HIVEP3: variants seen among roughly 807,000 people sequenced by gnomAD.
HIVEP3 encodes the protein HIVEP zinc finger 3.
HIVEP3 carries 49 observed loss-of-function variants against 152.8 expected under a neutral mutation model. That is an observed-to-expected ratio of 0.32 (90% CI 0.26 to 0.41). The LOEUF (loss-of-function observed/expected upper bound fraction) is 0.41, where lower values mean the gene tolerates loss of function less well. Ranked by LOEUF, HIVEP3 falls within the 10% of genes least tolerant of loss-of-function variation. The pLI is 1.00. For synonymous variants in HIVEP3, 1,269 were observed against 1,289.0 expected, an observed-to-expected ratio of 0.98 and a Z score of 0.33; for missense variants, 2,790 against 3,103.3, an observed-to-expected ratio of 0.90 and a Z score of 2.40.
intron 2 of HIVEP3, among the ~76,000 whole-genome samples, chr1:41,694,287 C>T (rs1646239979): frequency 6.6e-6 from 1 of 152,140 alleles, no homozygotes; most frequent in African/African-American, 2.4e-5. Context: ...TAATCTCTCC[C>T]CACTCAGCAC....
chr1:41,862,947 G>A (rs534928961), intron 1 of HIVEP3, among the ~76,000 whole-genome samples: 11 of 152,320 alleles, frequency 7.2e-5, no homozygotes, highest in Admixed American at 6.5e-4. Context: ...TATTCTGAAT[G>A]GCAGCGGGAG....
chr1:41,666,145 G>A (rs956776161), intron 2 of HIVEP3, among the ~76,000 whole-genome samples: 1 of 151,392 alleles, frequency 6.6e-6, no homozygotes, highest in Non-Finnish European at 1.5e-5. Flanking sequence ...GTGTGTGTAT[G>A]TGTGTGTGTG....
intron 1 of HIVEP3, among the ~76,000 whole-genome samples, chr1:41,863,716 A>C (rs983776791): frequency 3.9e-5 from 6 of 152,208 alleles, no homozygotes; most frequent in African/African-American, 1.4e-4. Context: ...ACTGTATGTA[A>C]ATTAGATCCT....
At chr1:41,725,135 C>A (rs1646733673) in intron 1 of HIVEP3, among the ~76,000 whole-genome samples, 1 of 152,294 alleles carries the variant, frequency 6.6e-6, no homozygotes, top group Middle Eastern at 3.4e-3. Context: ...AGACTCAACA[C>A]TTTTTACCAT....
chr1:41,731,043 C>G (rs1349969490), intron 1 of HIVEP3, among the ~76,000 whole-genome samples: 1 of 152,152 alleles, frequency 6.6e-6, no homozygotes, highest in Non-Finnish European at 1.5e-5. Flanking sequence ...GGCTCTGCAG[C>G]AAGTGCCTCT....
chr1:41,888,001 C>G (rs1450136247), intron 1 of HIVEP3, among the ~76,000 whole-genome samples: 1 of 151,830 alleles, frequency 6.6e-6, no homozygotes, highest in African/African-American at 2.4e-5. Context: ...TCCCATCACA[C>G]CCCCACCCCA....
intron 1 of HIVEP3, among the ~76,000 whole-genome samples, chr1:41,862,536 C>A (rs1243817734): frequency 6.6e-6 from 1 of 152,198 alleles, no homozygotes; most frequent in Non-Finnish European, 1.5e-5. Context: ...TCTGCCTCCA[C>A]CCCCAAGCCA....
intron 1 of HIVEP3, among the ~76,000 whole-genome samples, chr1:41,764,444 AG>A: frequency 6.6e-6 from 1 of 152,312 alleles, no homozygotes; most frequent in South Asian, 2.1e-4. Flanking sequence ...GGACAGGAGA[AG>A]CGAAAGATAA....
At chr1:41,885,693 C>T (rs569933556) in intron 1 of HIVEP3, among the ~76,000 whole-genome samples, 1 of 132,300 alleles carries the variant, frequency 7.6e-6, no homozygotes, top group Non-Finnish European at 1.5e-5. Context: ...CTTCCTTCCT[C>T]CTTCCCTTCC....
intron 5 of HIVEP3, among the ~76,000 whole-genome samples, chr1:41,546,929 G>C (rs1259455220): frequency 6.6e-6 from 1 of 152,242 alleles, no homozygotes; most frequent in African/African-American, 2.4e-5. Context: ...CCCAGATGCA[G>C]TCATTCCAAA....
intron 1 of HIVEP3, among the ~76,000 whole-genome samples, chr1:41,726,899 A>T (rs1646760294): frequency 1.3e-5 from 2 of 152,134 alleles, no homozygotes; most frequent in African/African-American, 4.8e-5. Flanking sequence ...TGTGCTGGGC[A>T]TGGGGGCAGG....
At chr1:41,524,053 A>G (rs898569431) in intron 6 of HIVEP3, among the ~76,000 whole-genome samples, 7 of 152,046 alleles carry the variant, frequency 4.6e-5, no homozygotes, top group African/African-American at 1.4e-4. Context: ...CCCATCACCC[A>G]TCACAGCTCT....
intron 1 of HIVEP3, among the ~76,000 whole-genome samples, chr1:41,752,200 G>A (rs1049167042): frequency 2.6e-5 from 4 of 152,164 alleles, no homozygotes; most frequent in South Asian, 2.1e-4. Flanking sequence ...GAATGAATCC[G>A]GATGACTGAC....
chr1:41,976,192 A>G (rs948548810), intron 1 of HIVEP3, among the ~76,000 whole-genome samples: 1 of 152,194 alleles, frequency 6.6e-6, no homozygotes, highest in Non-Finnish European at 1.5e-5. Flanking sequence ...AAAGTTTACC[A>G]CCACTCTTGC....
At chr1:41,625,908 T>C (rs1109256) in intron 3 of HIVEP3, among the ~76,000 whole-genome samples, 87 of 152,368 alleles carry the variant, frequency 5.7e-4, no homozygotes, top group African/African-American at 2.0e-3. Flanking sequence ...GTTTTATATA[T>C]TGACATTCCA....
rs187489316 is a variant in HIVEP3 at position 41,659,340 on chromosome 1, C to T, written c.-720-30393G>A. Among the ~76,000 whole-genome samples the T allele has an allele frequency of 1.3e-5, 2 of 152,306 alleles. 1 individual carries two copies. The highest frequency in any genetic ancestry group is 4.8e-5 in the African/African-American group (2 of 41,562). On this transcript the variant is annotated intron_variant, in intron 2 of 8. Transcript: ENST00000372583. The stretch of plus-strand genomic sequence containing the variant: ...CTCCCTGGCATTCTCCATCACACAG[C>T]TTTGTTTGAGTTTCTTCAGAGTGTA...
rs149694304 is a variant in HIVEP3 at position 41,522,605 on chromosome 1, G to A, written c.5383+2130C>T. On this transcript the variant is annotated intron_variant, in intron 6 of 8. Transcript: ENST00000372583. ...CCCTCTGTTCAGATTACGCCCTCTGGACCCTCCAAAGCCCTCCAGGGCCCT... is the reference window on the plus strand; with the variant it reads ...CCCTCTGTTCAGATTACGCCCTCTGAACCCTCCAAAGCCCTCCAGGGCCCT... Among the ~76,000 whole-genome samples, 333 of 152,316 alleles carry A rather than the reference G, an allele frequency of 2.2e-3. 1 individual carries two copies. Among genetic ancestry groups the A allele is most frequent in the South Asian group, 5.6e-3 (27 of 4,828 alleles).
chr1:41,829,800 TA>T (rs895158648), intron 1 of HIVEP3, among the ~76,000 whole-genome samples: 112 of 144,536 alleles, frequency 7.7e-4, no homozygotes, highest in Admixed American at 9.0e-4. Context: ...TGTTCCCAGT[TA>T]AAAAAAAAAA....
chr1:42,002,891 C>T (rs1193638100), intron 1 of HIVEP3, among the ~76,000 whole-genome samples: 1 of 149,522 alleles, frequency 6.7e-6, no homozygotes. Flanking sequence ...TGGCATTTTA[C>T]CCGCACATGG....
Sources: allele counts gnomAD v4.1 joint callset (sites outside exome capture counted in the v4.1 genomes callset), GRCh38; gene constraint gnomAD v4.1.1; transcripts MANE v1.5; gene names NCBI Gene and HGNC (gene_info 2026-07-23, HGNC 2026-07-21).